Variants in CDH23 observed in about 807,000 individuals in gnomAD.
The protein encoded by CDH23 is cadherin-23.
A neutral mutation model predicts 317.1 loss-of-function variants in CDH23; 189 were observed. The ratio of observed to expected loss-of-function variants is 0.60; its 90% CI spans 0.53 to 0.67. CDH23 has a LOEUF of 0.67. CDH23 is among the 30% of genes least tolerant of loss of function. The probability of loss-of-function intolerance (pLI) is 0.00; values close to 1 mark genes in which losing one functional copy is unlikely to be tolerated. For synonymous variants in CDH23, 1,839 were observed against 1,876.8 expected (o/e 0.98, Z 0.52); for missense variants, 4,401 against 4,592.4 (o/e 0.96, Z 1.20).
rs1554835386 is a variant in CDH23 at position 71,533,560 on chromosome 10, C to CACACACAA, written c.429+22355_429+22356insAACACACA. 8.9e-3 allele frequency among the ~76,000 whole-genome samples: 1,255 copies of CACACACAA among 141,556 alleles called. 15 individuals are homozygous for CACACACAA. The highest frequency in any genetic ancestry group is 0.03 in the African/African-American group (1,193 of 39,662). 92.9% of individuals were successfully genotyped at this position (141,556 alleles called of 152,430 possible). A position where few individuals can be genotyped will look rare whatever the true frequency, so the allele number is the denominator to read the frequency against. On this transcript the variant is annotated intron_variant, in intron 6 of 69. Transcript: ENST00000224721. ...ACACACACACACACACACACACACA[C>CACACACAA]ACACACACACTGGCTGGGGCTGCAG...
intron 30 of CDH23, among the ~76,000 whole-genome samples, chr10:71,727,950 C>A (rs1187770235): frequency 6.6e-6 from 1 of 152,120 alleles, no homozygotes; most frequent in Non-Finnish European, 1.5e-5. Context: ...AGGCTGAAAC[C>A]GACCAGAGGC....
intron 1 of CDH23, among the ~76,000 whole-genome samples, chr10:71,433,842 A>G (rs932337878): frequency 8.2e-6 from 1 of 122,452 alleles, no homozygotes; most frequent in South Asian, 2.7e-4. Flanking sequence ...CCTGGAGCTC[A>G]TCATCCCTGC....
intron 28 of CDH23, among the ~76,000 whole-genome samples, chr10:71,719,042 C>G (rs778295110): frequency 6.6e-6 from 1 of 151,854 alleles, no homozygotes; most frequent in South Asian, 2.1e-4. Context: ...CATGCCACTG[C>G]GCTACAGCCT....
At chr10:71,525,093 AG>A (rs1564631951) in intron 6 of CDH23, among the ~76,000 whole-genome samples, 1 of 148,316 alleles carries the variant, frequency 6.7e-6, no homozygotes, top group Non-Finnish European at 1.5e-5. Context: ...TTTTTAGTAG[AG>A]ACTGGGTTTC....
rs185321976 is a variant in CDH23 at position 71,494,483 on chromosome 10, C to T, written c.146-15599C>T. 6.6e-5 allele frequency among the ~76,000 whole-genome samples: 10 copies of T among 152,240 alleles called. No individual in the cohort carries two copies. The South Asian group carries it at 1.4e-3, about 22-fold the overall frequency. On this transcript the variant is annotated intron_variant, in intron 3 of 69. Transcript: ENST00000224721. Reference sequence around the variant, plus strand: ...TACCTCTTCCTAGCTGTGTGATCTTCGGCAAGTTGCTAAACCTCTCTGTGA... The same window carrying T: ...TACCTCTTCCTAGCTGTGTGATCTTTGGCAAGTTGCTAAACCTCTCTGTGA...
chr10:71,790,450 T>C, intron 46 of CDH23, 37 bp downstream of exon 46: 4 of 1,605,816 alleles, frequency 2.5e-6, no homozygotes, highest in Non-Finnish European at 3.4e-6. Context: ...CCCAGCCTGA[T>C]TCTGGGGTGG....
At chr10:71,562,444 C>T (rs568575667) in intron 6 of CDH23, among the ~76,000 whole-genome samples, 189 of 152,340 alleles carry the variant, frequency 1.2e-3, no homozygotes, top group Admixed American at 2.4e-3. Context: ...CCTCGGGTGG[C>T]GGGCACTGTG....
intron 14 of CDH23, 58 bp downstream of exon 14, chr10:71,646,675 C>T: frequency 6.2e-7 from 1 of 1,613,968 alleles, no homozygotes. Flanking sequence ...TGTGGTGAGG[C>T]ACCCAGAGGG....
chr10:71,595,715 G>A (rs1589246807), intron 9 of CDH23, among the ~76,000 whole-genome samples: 1 of 152,240 alleles, frequency 6.6e-6, no homozygotes, highest in African/African-American at 2.4e-5. Context: ...CCGAGACAAC[G>A]CTCTGCGGGA....
intron 6 of CDH23, among the ~76,000 whole-genome samples, chr10:71,535,498 C>T (rs948477416): frequency 1.3e-5 from 2 of 152,190 alleles, no homozygotes; most frequent in African/African-American, 2.4e-5. Flanking sequence ...TCCTGGAAAA[C>T]GCCAAGGAAA....
At chr10:71,668,761 GCCTCACCAGT>G (rs1269241797) in intron 14 of CDH23, among the ~76,000 whole-genome samples, 2 of 152,146 alleles carry the variant, frequency 1.3e-5, no homozygotes, top group African/African-American at 2.4e-5. Context: ...GCTGACTCAG[GCCTCACCAGT>G]CCAAGCATGT....
At chr10:71,742,265 C>T (rs770582646) in intron 38 of CDH23, among the ~76,000 whole-genome samples, 12 of 152,176 alleles carry the variant, frequency 7.9e-5, no homozygotes, top group Admixed American at 3.3e-4. Flanking sequence ...ATCTAGCCCC[C>T]GCTTCACTTG....
At chr10:71,566,079 G>A (rs948954645) in intron 6 of CDH23, among the ~76,000 whole-genome samples, 1 of 152,166 alleles carries the variant, frequency 6.6e-6, no homozygotes, top group Non-Finnish European at 1.5e-5. Flanking sequence ...GGACCACAAG[G>A]GCCTGTGTTC....
chr10:71,576,537 G>A (rs80150287), intron 8 of CDH23, among the ~76,000 whole-genome samples: 4,628 of 152,240 alleles, frequency 0.03, 243 homozygotes, highest in African/African-American at 0.11. Flanking sequence ...GCCTCCTGCT[G>A]ATAAACAGTG....
chr10:71,410,276 G>A (rs73281850), intron 1 of CDH23, among the ~76,000 whole-genome samples: 1,727 of 152,212 alleles, frequency 0.011, 31 homozygotes, highest in African/African-American at 0.039. Context: ...CTGCATTCTG[G>A]GAGCTCACAG....
chr10:71,555,314 G>A (rs147059717), intron 6 of CDH23, among the ~76,000 whole-genome samples: 63 of 152,272 alleles, frequency 4.1e-4, no homozygotes, highest in African/African-American at 1.3e-3. Context: ...GGGCTGCACC[G>A]TCACCACGGC....
chr10:71,425,232 G>GGAGAGAGAGA (rs748338206), intron 1 of CDH23, among the ~76,000 whole-genome samples: 2 of 73,964 alleles, frequency 2.7e-5, no homozygotes, highest in African/African-American at 9.3e-5. Context: ...AGAGAGAGAG[G>GGAGAGAGAGA]GAGAGAGAGA....
At chr10:71,449,229 G>A (rs980639822) in intron 3 of CDH23, among the ~76,000 whole-genome samples, 1 of 152,226 alleles carries the variant, frequency 6.6e-6, no homozygotes. Context: ...CCAGGGTGGT[G>A]CTCAGTGCCA....
At chr10:71,500,468 G>A (rs1040100138) in intron 3 of CDH23, among the ~76,000 whole-genome samples, 4 of 152,182 alleles carry the variant, frequency 2.6e-5, no homozygotes, top group South Asian at 2.1e-4. Flanking sequence ...GGGAATGGCC[G>A]TCTTGCTGGT....
Sources: allele counts gnomAD v4.1 joint callset (sites outside exome capture counted in the v4.1 genomes callset), GRCh38; gene constraint gnomAD v4.1.1; transcripts MANE v1.5; gene names NCBI Gene and HGNC (gene_info 2026-07-23, HGNC 2026-07-21).